Variants in SETBP1 observed in about 807,000 individuals in gnomAD.
The protein encoded by SETBP1 is SET binding protein 1.
SETBP1 carries 9 observed loss-of-function variants against 101.0 expected under a neutral mutation model. That is an observed-to-expected ratio of 0.09 (90% CI 0.05 to 0.16). The LOEUF is 0.16. SETBP1 is among the 10% of genes least tolerant of loss of function. The probability of loss-of-function intolerance (pLI) is 1.00; values close to 1 mark genes in which losing one functional copy is unlikely to be tolerated. For synonymous variants in SETBP1, 818 were observed against 788.5 expected (o/e 1.04, Z -0.63); for missense variants, 1,858 against 2,033.8 (o/e 0.91, Z 1.66).
chr18:44,901,929 A>T (rs1240438627), intron 3 of SETBP1, among the ~76,000 whole-genome samples: 1 of 152,214 alleles, frequency 6.6e-6, no homozygotes, highest in Non-Finnish European at 1.5e-5. Flanking sequence ...TCCCATAGAA[A>T]GTGCTAATTC....
At position 44,990,676 on chromosome 18, in the gene SETBP1, C is replaced by G. The variant is rs542141863; in HGVS notation, c.4000+37336C>G. On this transcript the variant is annotated intron_variant, in intron 4 of 5. Coordinates refer to ENST00000649279, the MANE Select transcript of SETBP1 (RefSeq NM_015559.3). ...ACACACACAGACCCCCCCACACACA[C>G]GTTGGCTCTACAAAACAAAACACTA... 2.8e-3 allele frequency among the ~76,000 whole-genome samples: 427 copies of G among 150,576 alleles called. 1 individual carries two copies. The highest frequency in any genetic ancestry group is 4.8e-3 in the Non-Finnish European group (322 of 67,732).
intron 2 of SETBP1, among the ~76,000 whole-genome samples, chr18:44,746,992 G>T (rs1291211449): frequency 1.3e-5 from 2 of 152,220 alleles, no homozygotes; most frequent in African/African-American, 4.8e-5. Context: ...TTTTTATATA[G>T]TGTCTGATGG....
chr18:44,914,378 G>T (rs2070381114), intron 3 of SETBP1, among the ~76,000 whole-genome samples: 1 of 152,154 alleles, frequency 6.6e-6, no homozygotes, highest in Non-Finnish European at 1.5e-5. Context: ...TTGAGCTATT[G>T]GGGAAATTGT....
intron 2 of SETBP1, among the ~76,000 whole-genome samples, chr18:44,806,023 C>T (rs2071724986): frequency 1.3e-5 from 2 of 152,082 alleles, no homozygotes; most frequent in Non-Finnish European, 2.9e-5. Context: ...AGAAGTCATG[C>T]CCCAGACCTT....
chr18:44,904,358 T>C (rs888478145), intron 3 of SETBP1, among the ~76,000 whole-genome samples: 1 of 152,194 alleles, frequency 6.6e-6, no homozygotes, highest in African/African-American at 2.4e-5. Context: ...ATATTCCTTT[T>C]TGTTTCATGG....
chr18:44,737,673 A>G (rs2069999427), intron 2 of SETBP1, among the ~76,000 whole-genome samples: 1 of 152,210 alleles, frequency 6.6e-6, no homozygotes, highest in African/African-American at 2.4e-5. Flanking sequence ...AGGCTACATA[A>G]TCTCAGAGTT....
intron 3 of SETBP1, among the ~76,000 whole-genome samples, chr18:44,880,860 T>A (rs2069515841): frequency 6.6e-6 from 1 of 152,078 alleles, no homozygotes; most frequent in African/African-American, 2.4e-5. Flanking sequence ...ACCTCCAAGT[T>A]TGAGAATGAC....
intron 5 of SETBP1, among the ~76,000 whole-genome samples, chr18:45,060,238 G>A (rs1299027906): frequency 6.6e-6 from 1 of 152,116 alleles, no homozygotes; most frequent in Non-Finnish European, 1.5e-5. Flanking sequence ...TGATATATAT[G>A]AGTAAAGCAG....
At chr18:44,887,452 T>C (rs554869149) in intron 3 of SETBP1, among the ~76,000 whole-genome samples, 8 of 152,304 alleles carry the variant, frequency 5.3e-5, no homozygotes, top group Admixed American at 2.6e-4. Flanking sequence ...TATTTACAGC[T>C]ATCTCTGGCT....
chr18:44,770,839 C>T (rs1307586110), intron 2 of SETBP1, among the ~76,000 whole-genome samples: 2 of 151,960 alleles, frequency 1.3e-5, no homozygotes, highest in Non-Finnish European at 2.9e-5. Flanking sequence ...AGAAGGCATT[C>T]TTGGAATCAG....
At chr18:45,026,476 CTACCTTGATTTTACTT>C (rs556238385) in intron 4 of SETBP1, among the ~76,000 whole-genome samples, 40 of 152,284 alleles carry the variant, frequency 2.6e-4, no homozygotes, top group African/African-American at 8.7e-4. Flanking sequence ...CACCCTTAAC[CTACCTTGATTTTACTT>C]TACCGAAGCT....
At chr18:44,774,937 A>G (rs1358560970) in intron 2 of SETBP1, among the ~76,000 whole-genome samples, 2 of 150,628 alleles carry the variant, frequency 1.3e-5, no homozygotes, top group Non-Finnish European at 3.0e-5. Context: ...TTCCTTAGTC[A>G]GAGCACTTCA....
intron 2 of SETBP1, among the ~76,000 whole-genome samples, chr18:44,772,497 G>C (rs1482421858): frequency 2.0e-5 from 3 of 152,164 alleles, no homozygotes; most frequent in African/African-American, 7.2e-5. Context: ...CCGTCAGGGA[G>C]AGGAACATTC....
chr18:44,760,269 C>G (rs1156307355), intron 2 of SETBP1, among the ~76,000 whole-genome samples: 1 of 152,192 alleles, frequency 6.6e-6, no homozygotes, highest in African/African-American at 2.4e-5. Flanking sequence ...TCTCAGACAT[C>G]TCTCTCTGGA....
intron 3 of SETBP1, among the ~76,000 whole-genome samples, chr18:44,942,779 C>A (rs1307306858): frequency 6.6e-6 from 1 of 152,118 alleles, no homozygotes; most frequent in African/African-American, 2.4e-5. Context: ...TTGAGTTATG[C>A]AGAATTATTT....
At chr18:45,022,765 G>A (rs957130194) in intron 4 of SETBP1, among the ~76,000 whole-genome samples, 1 of 151,848 alleles carries the variant, frequency 6.6e-6, no homozygotes, top group African/African-American at 2.4e-5. Flanking sequence ...AGGAGGCAGA[G>A]GTTGCAGTGA....
At chr18:44,719,965 G>A (rs2069550205) in intron 2 of SETBP1, among the ~76,000 whole-genome samples, 1 of 152,136 alleles carries the variant, frequency 6.6e-6, no homozygotes, top group Non-Finnish European at 1.5e-5. Context: ...GAGAGCATCC[G>A]GGGACTTCTC....
chr18:44,980,649 C>G (rs916896429), intron 4 of SETBP1, among the ~76,000 whole-genome samples: 2 of 152,102 alleles, frequency 1.3e-5, no homozygotes, highest in Admixed American at 1.3e-4. Context: ...AGGCTTTTTC[C>G]TTTTTCTCAA....
intron 5 of SETBP1, among the ~76,000 whole-genome samples, chr18:45,039,112 A>T (rs16978255): frequency 0.013 from 1,913 of 152,260 alleles, 53 homozygotes; most frequent in African/African-American, 0.044. Flanking sequence ...CATGCTCTCA[A>T]CCAGTGCGTT....
Sources: gnomAD v4.1 joint callset for allele counts (sites outside exome capture counted in the v4.1 genomes callset) on GRCh38, gnomAD v4.1.1 for gene constraint, MANE v1.5 for transcripts, NCBI Gene and HGNC (gene_info 2026-07-23, HGNC 2026-07-21) for gene names.